CEP83: variants seen among roughly 807,000 people sequenced by gnomAD.
The protein encoded by CEP83 is centrosomal protein of 83 kDa.
CEP83 carries 70 observed loss-of-function variants against 101.9 expected under a neutral mutation model. That is an observed-to-expected ratio of 0.69 (90% CI 0.57 to 0.84). The LOEUF (loss-of-function observed/expected upper bound fraction) is 0.84. Ranked by LOEUF, CEP83 falls within the 40% of genes least tolerant of loss-of-function variation. The pLI is 0.00. For synonymous variants in CEP83, 264 were observed against 267.9 expected (o/e 0.99, Z 0.14); for missense variants, 715 against 787.2 (o/e 0.91, Z 1.10).
At chr12:94,278,668 T>C in the CEP83 span, among the ~76,000 whole-genome samples, 1 of 152,146 alleles carries the variant, frequency 6.6e-6, no homozygotes, top group Non-Finnish European at 1.5e-5. Flanking sequence ...GAGGGGTAGA[T>C]GAATGTTCCT....
intron 2 of CEP83, among the ~76,000 whole-genome samples, chr12:94,413,807 C>T (rs927470059): frequency 1.3e-5 from 2 of 149,748 alleles, no homozygotes; most frequent in African/African-American, 4.9e-5. Context: ...TAATTTCTTT[C>T]TCTAGTCCCA....
the CEP83 span, among the ~76,000 whole-genome samples, chr12:94,296,468 AAAAC>A: frequency 3.9e-5 from 6 of 152,282 alleles, no homozygotes; most frequent in South Asian, 2.1e-4. Flanking sequence ...TCTCAACTTT[AAAAC>A]AAACAAACCA....
intron 2 of CEP83, among the ~76,000 whole-genome samples, chr12:94,417,794 A>ACATG (rs1021399912): frequency 2.1e-5 from 3 of 139,974 alleles, no homozygotes; most frequent in Non-Finnish European, 3.3e-5. Context: ...TCTCAAAAAT[A>ACATG]CATACATACA....
At chr12:94,283,293 A>G in the CEP83 span, among the ~76,000 whole-genome samples, 1 of 152,210 alleles carries the variant, frequency 6.6e-6, no homozygotes, top group Non-Finnish European at 1.5e-5. Context: ...AGACTGGGCT[A>G]GGGTGCAGGC....
chr12:94,339,194 G>A (rs1203934846), intron 11 of CEP83, among the ~76,000 whole-genome samples: 1 of 152,080 alleles, frequency 6.6e-6, no homozygotes, highest in East Asian at 1.9e-4. Flanking sequence ...TTGAACTCCC[G>A]ACCTCAGGTA....
chr12:94,323,601 C>T (rs561024098), intron 14 of CEP83, among the ~76,000 whole-genome samples: 2 of 152,240 alleles, frequency 1.3e-5, no homozygotes, highest in East Asian at 3.9e-4. Flanking sequence ...TATTTACTTA[C>T]TCCTTCTATT....
chr12:94,327,320 T>C (rs1216547983), intron 14 of CEP83, among the ~76,000 whole-genome samples: 1 of 152,216 alleles, frequency 6.6e-6, no homozygotes, highest in East Asian at 1.9e-4. Flanking sequence ...TGACCATTTA[T>C]CTTTGATAAC....
chr12:94,301,080 C>T, the CEP83 span: 7 of 1,610,250 alleles, frequency 4.3e-6, no homozygotes, highest in Non-Finnish European at 5.1e-6. Context: ...TTGAGTATTT[C>T]TTGTATGCAG....
At chr12:94,403,776 C>T (rs1408270204) in intron 4 of CEP83, among the ~76,000 whole-genome samples, 1 of 151,590 alleles carries the variant, frequency 6.6e-6, no homozygotes, top group Non-Finnish European at 1.5e-5. Flanking sequence ...TGTGGGAAAA[C>T]ACAGTCTTTA....
chr12:94,323,323 A>G (rs919104348), intron 14 of CEP83, among the ~76,000 whole-genome samples: 1 of 151,970 alleles, frequency 6.6e-6, no homozygotes, highest in African/African-American at 2.4e-5. Flanking sequence ...GACTCCACAT[A>G]ATTCTGTGTA....
At chr12:94,342,445 C>T (rs1412287743) in intron 11 of CEP83, among the ~76,000 whole-genome samples, 1 of 152,112 alleles carries the variant, frequency 6.6e-6, no homozygotes, top group Non-Finnish European at 1.5e-5. Flanking sequence ...ATACCCTTAG[C>T]ATAACTGGCA....
At chr12:94,419,248 A>G (rs1303942116) in intron 2 of CEP83, among the ~76,000 whole-genome samples, 1 of 152,134 alleles carries the variant, frequency 6.6e-6, no homozygotes, top group Admixed American at 6.5e-5. Context: ...CTTTAACAAC[A>G]ATGTATGTTT....
intron 8 of CEP83, among the ~76,000 whole-genome samples, chr12:94,370,656 T>C (rs1219855103): frequency 6.6e-6 from 1 of 152,142 alleles, no homozygotes; most frequent in Admixed American, 6.5e-5. Context: ...AGGATTATAG[T>C]TGTAATCCAC....
chr12:94,331,416 G>A lies in CEP83; in HGVS notation c.1707+284C>T, dbSNP rs552786448. Reference sequence around the variant, plus strand: ...GAGTCTTGCTCTGTCACCCAGGCTGGAGTGCAGTGGCACGATCTCGGCTCA... The same window carrying A: ...GAGTCTTGCTCTGTCACCCAGGCTGAAGTGCAGTGGCACGATCTCGGCTCA... On this transcript the variant is annotated intron_variant, in intron 14 of 16. Coordinates refer to ENST00000397809, the MANE Select transcript of CEP83 (RefSeq NM_016122.3). Among the ~76,000 whole-genome samples, 3 of 127,782 alleles carry A rather than the reference G, an allele frequency of 2.3e-5. No individual in the cohort carries two copies. The South Asian group carries it at 7.4e-4, about 31-fold the overall frequency. The allele number at this position is 127,782 out of a possible 152,430, so 83.8% of individuals were successfully genotyped here.
At chr12:94,342,575 T>A (rs533771827) in intron 11 of CEP83, among the ~76,000 whole-genome samples, 1 of 152,224 alleles carries the variant, frequency 6.6e-6, no homozygotes, top group African/African-American at 2.4e-5. Context: ...GCTCACTGCA[T>A]GTGAATGTAC....
chr12:94,368,505 C>A (rs560756306), intron 9 of CEP83: 1 of 221,570 alleles, frequency 4.5e-6, no homozygotes, highest in African/African-American at 2.3e-5. Flanking sequence ...TGGATGATAA[C>A]CAGAGGTTTA....
chr12:94,330,917 A>C (rs2059170122), intron 14 of CEP83, among the ~76,000 whole-genome samples: 1 of 152,226 alleles, frequency 6.6e-6, no homozygotes, highest in Non-Finnish European at 1.5e-5. Context: ...TGCAAGGTTG[A>C]CAGCAAAATG....
chr12:94,403,158 T>C lies in CEP83; in HGVS notation c.417+12A>G. On this transcript the variant is annotated intron_variant, in intron 5 of 16. Transcript: ENST00000397809. ...GAGGATAAATGCATAGTAAACAACA[T>C]AAGTTACTTACTTCATCTAGATTCC... 4 of 1,310,350 alleles carry C rather than the reference T, an allele frequency of 3.1e-6. No homozygotes were observed. The Admixed American group carries it at 6.8e-5, about 22-fold the overall frequency. The allele number at this position is 1,310,350 out of a possible 1,614,324, so 81.2% of individuals were successfully genotyped here.
chr12:94,321,106 T>TTACTC (rs2058726764), intron 14 of CEP83, among the ~76,000 whole-genome samples: 1 of 152,206 alleles, frequency 6.6e-6, no homozygotes, highest in Non-Finnish European at 1.5e-5. Flanking sequence ...TCTGACTGTC[T>TTACTC]TACTCCAAAG....
Sources: gnomAD v4.1 joint callset for allele counts (sites outside exome capture counted in the v4.1 genomes callset) on GRCh38, gnomAD v4.1.1 for gene constraint, MANE v1.5 for transcripts, NCBI Gene and HGNC (gene_info 2026-07-23, HGNC 2026-07-21) for gene names.